ZNF385D: variants seen among roughly 807,000 people sequenced by gnomAD.
ZNF385D encodes zinc finger protein 385D, also known as zinc finger protein 659.
A neutral mutation model predicts 35.8 loss-of-function variants in ZNF385D; 15 were observed. The observed-to-expected ratio is 0.42, with a 90% CI of 0.28 to 0.64. The LOEUF (loss-of-function observed/expected upper bound fraction) is 0.64. ZNF385D is among the 30% of genes least tolerant of loss of function. The pLI, the probability that ZNF385D is intolerant of heterozygous loss-of-function variation, is 0.23. For missense variants in ZNF385D, 474 were observed against 494.6 expected (o/e 0.96, Z 0.39); for synonymous variants, 212 against 186.8 (o/e 1.13, Z -1.10).
chr3:22,362,119 C>A (rs540880572), intron 2 of ZNF385D, among the ~76,000 whole-genome samples: 5 of 151,428 alleles, frequency 3.3e-5, no homozygotes, highest in Admixed American at 2.6e-4. Context: ...ATTATGGAAA[C>A]TTTTACTTTT....
intron 3 of ZNF385D, among the ~76,000 whole-genome samples, chr3:21,932,263 T>C (rs556711205): frequency 6.7e-6 from 1 of 148,656 alleles, no homozygotes; most frequent in Non-Finnish European, 1.5e-5. Flanking sequence ...GTAATCTAAA[T>C]GATATCTTTA....
intron 2 of ZNF385D, among the ~76,000 whole-genome samples, chr3:22,225,307 C>A (rs1293124296): frequency 6.6e-6 from 1 of 152,156 alleles, no homozygotes; most frequent in African/African-American, 2.4e-5. Context: ...GAGCACTAGC[C>A]TGAGGTCCAT....
chr3:21,832,782 G>A (rs1358901601), intron 3 of ZNF385D, among the ~76,000 whole-genome samples: 1 of 152,042 alleles, frequency 6.6e-6, no homozygotes, highest in Non-Finnish European at 1.5e-5. Context: ...AGACATTTCA[G>A]GTCCTTCCAG....
chr3:22,123,797 G>A (rs1703238455), intron 3 of ZNF385D, among the ~76,000 whole-genome samples: 1 of 151,990 alleles, frequency 6.6e-6, no homozygotes, highest in Admixed American at 6.6e-5. Flanking sequence ...AAGAGGCGGA[G>A]GTTGCAGGGA....
intron 3 of ZNF385D, among the ~76,000 whole-genome samples, chr3:21,975,882 T>C (rs6790776): frequency 6.6e-6 from 1 of 150,920 alleles, no homozygotes; most frequent in African/African-American, 2.4e-5. Flanking sequence ...TCTGATTAAC[T>C]ACACAGGACA....
chr3:21,741,779 G>A (rs921830177), intron 1 of ZNF385D, among the ~76,000 whole-genome samples: 1 of 152,104 alleles, frequency 6.6e-6, no homozygotes, highest in South Asian at 2.1e-4. Context: ...TTTTCAATAT[G>A]TCCATCCCCA....
chr3:21,980,547 A>T (rs1457376157), intron 3 of ZNF385D, among the ~76,000 whole-genome samples: 1 of 152,218 alleles, frequency 6.6e-6, no homozygotes, highest in East Asian at 1.9e-4. Context: ...ATCACATATC[A>T]GCCATATGGT....
chr3:21,460,417 C>G (rs556999453), intron 4 of ZNF385D, among the ~76,000 whole-genome samples: 4 of 152,258 alleles, frequency 2.6e-5, no homozygotes, highest in African/African-American at 9.6e-5. Context: ...GAATATTTGT[C>G]ATTTAACTTT....
chr3:22,280,743 T>C (rs529038608), intron 2 of ZNF385D, among the ~76,000 whole-genome samples: 23 of 152,262 alleles, frequency 1.5e-4, no homozygotes, highest in African/African-American at 4.8e-4. Context: ...GCTTTAGCTA[T>C]GCAGGCACTT....
At chr3:22,203,000 G>A (rs546279361) in intron 2 of ZNF385D, among the ~76,000 whole-genome samples, 6 of 152,216 alleles carry the variant, frequency 3.9e-5, no homozygotes, top group South Asian at 2.1e-4. Flanking sequence ...TCCTAGTGGT[G>A]TGCTGCGCTT....
chr3:22,090,477 T>C (rs1442492020), intron 3 of ZNF385D, among the ~76,000 whole-genome samples: 1 of 151,978 alleles, frequency 6.6e-6, no homozygotes, highest in East Asian at 1.9e-4. Flanking sequence ...TGGGATAGAT[T>C]TTTCTGAGTG....
chr3:21,871,214 C>T (rs1697674192), intron 3 of ZNF385D, among the ~76,000 whole-genome samples: 1 of 152,182 alleles, frequency 6.6e-6, no homozygotes, highest in South Asian at 2.1e-4. Context: ...CTCCCTCTAC[C>T]TAGAACATTC....
At chr3:22,285,397 G>A (rs974832405) in intron 2 of ZNF385D, among the ~76,000 whole-genome samples, 1 of 152,128 alleles carries the variant, frequency 6.6e-6, no homozygotes, top group African/African-American at 2.4e-5. Context: ...CATTTAGTCA[G>A]TGAGAAAGAC....
chr3:21,670,769 A>T (rs192766015), intron 1 of ZNF385D, among the ~76,000 whole-genome samples: 1 of 146,006 alleles, frequency 6.8e-6, no homozygotes, highest in Non-Finnish European at 1.5e-5. Flanking sequence ...AGACACGCCT[A>T]CTTATACCCC....
At chr3:21,757,134 T>TTTTTTTTTTTTTTTTGTTTTTG (rs1553654008) in intron 3 of ZNF385D, among the ~76,000 whole-genome samples, 5 of 128,220 alleles carry the variant, frequency 3.9e-5, no homozygotes, top group Admixed American at 8.2e-5. Flanking sequence ...TTTTTTTTTT[T>TTTTTTTTTTTTTTTTGTTTTTG]TTTTTGTTTT....
intron 3 of ZNF385D, among the ~76,000 whole-genome samples, chr3:22,071,267 T>C (rs904949722): frequency 1.3e-5 from 2 of 152,174 alleles, no homozygotes; most frequent in African/African-American, 4.8e-5. Context: ...TATCTCTATA[T>C]CATCTTTATC....
intron 1 of ZNF385D, among the ~76,000 whole-genome samples, chr3:21,685,559 C>A (rs747187544): frequency 1.3e-5 from 2 of 152,140 alleles, no homozygotes; most frequent in Non-Finnish European, 2.9e-5. Context: ...GCAGCACATG[C>A]GGTCTTGCTC....
chr3:21,993,552 A>T (rs1261954146), intron 3 of ZNF385D, among the ~76,000 whole-genome samples: 2 of 152,222 alleles, frequency 1.3e-5, no homozygotes, highest in African/African-American at 2.4e-5. Context: ...CTGTTTGATT[A>T]AACTATGCAT....
At chr3:21,806,906 C>A (rs865945719) in intron 3 of ZNF385D, among the ~76,000 whole-genome samples, 1 of 152,180 alleles carries the variant, frequency 6.6e-6, no homozygotes, top group Non-Finnish European at 1.5e-5. Flanking sequence ...ATAACCAGAG[C>A]CAAGTTTGGA....
Sources: gnomAD v4.1 joint callset for allele counts (sites outside exome capture counted in the v4.1 genomes callset) on GRCh38, gnomAD v4.1.1 for gene constraint, MANE v1.5 for transcripts, NCBI Gene and HGNC (gene_info 2026-07-23, HGNC 2026-07-21) for gene names.